Variants in MATR3 observed in about 807,000 individuals in gnomAD.
MATR3 encodes the protein matrin 3, also known as matrin-3.
Under a neutral mutation model 85.5 loss-of-function variants are expected in MATR3, and 4 were observed. The observed-to-expected ratio is 0.05, with a 90% CI of 0.02 to 0.11. The LOEUF (loss-of-function observed/expected upper bound fraction) is 0.11. Ranked by LOEUF, MATR3 falls within the 10% of genes least tolerant of loss-of-function variation. The pLI is 1.00. For missense variants in MATR3, 685 were observed against 1,016.1 expected (o/e 0.67, Z 4.43); for synonymous variants, 336 against 343.1 (o/e 0.98, Z 0.23).
In MATR3 at chr5:139,281,104, T is replaced by C. The variant is rs563099557; in HGVS notation, c.-178+1975T>C. Among the ~76,000 whole-genome samples the C allele has an allele frequency of 8.1e-4, 124 of 152,310 alleles. 1 individual carries two copies. The Middle Eastern group carries it at 0.014, about 17-fold the overall frequency. Reference sequence around the variant, plus strand: ...ACAGCTCACTGCACCCTTGACCTCCTGGGCCAAGCAAACCTCCTGCCTCAG... The same window carrying C: ...ACAGCTCACTGCACCCTTGACCTCCCGGGCCAAGCAAACCTCCTGCCTCAG... On this transcript the variant is annotated intron_variant, in intron 3 of 16. Transcript: ENST00000509990.
chr5:139,315,627 G>A, intron 3 of MATR3, 70 bp from the exon 4 acceptor site: 1 of 967,976 alleles, frequency 1.0e-6, no homozygotes, highest in Non-Finnish European at 1.7e-6. Context: ...CTCTATTTTA[G>A]AGGCCAAACA....
chr5:139,277,114 T>A (rs1464603219), intron 2 of MATR3, among the ~76,000 whole-genome samples: 2 of 152,194 alleles, frequency 1.3e-5, no homozygotes, highest in Non-Finnish European at 2.9e-5. Flanking sequence ...GGATGATAGG[T>A]GTGTGCCACC....
In MATR3 at chr5:139,330,885, G is replaced by T. The variant is rs1287411387; in HGVS notation, c.*1490G>T. ...CAGTTCTCTGCAACCTCAGCCTTTG[G>T]GCTCAAATGACCCTCCTACCTCAGT... On this transcript the variant is annotated 3_prime_UTR_variant, in exon 15 of 15. Transcript: ENST00000394805. 2.2e-6 allele frequency: 1 copy of T among 453,876 alleles called. No homozygotes were observed. Among genetic ancestry groups the T allele is most frequent in the Non-Finnish European group, 4.4e-6 (1 of 226,712 alleles). The allele number at this position is 453,876 out of a possible 1,614,324, so 28.1% of individuals were successfully genotyped here.
At chr5:139,278,781 TC>T in intron 2 of MATR3, 4 of 505,524 alleles carry the variant, frequency 7.9e-6, no homozygotes, top group Middle Eastern at 6.7e-4. Context: ...TCAGGAATCA[TC>T]CAGCGGTTGT....
At chr5:139,317,951 A>G (rs1393262343) in intron 7 of MATR3, among the ~76,000 whole-genome samples, 2 of 152,196 alleles carry the variant, frequency 1.3e-5, no homozygotes, top group African/African-American at 2.4e-5. Flanking sequence ...TTATACTACT[A>G]TAAAAGTTGT....
In MATR3 at chr5:139,318,197, G is replaced by A. The variant is rs961935613; in HGVS notation, c.1308+476G>A. ...CACCCAGGCTGGAGTGCAGTGGCGC[G>A]ATCTCAGCTCACTGCAACCTTCGCC... On this transcript the variant is annotated intron_variant, in intron 7 of 14. Coordinates refer to ENST00000394805, the MANE Select transcript of MATR3 (RefSeq NM_018834.6). Among the ~76,000 whole-genome samples the A allele has an allele frequency of 3.3e-5, 5 of 151,046 alleles. No homozygotes were observed. The East Asian group carries it at 5.9e-4, about 18-fold the overall frequency.
chr5:139,310,547 A>G (rs1754917200), intron 2 of MATR3: 1 of 152,200 alleles, frequency 6.6e-6, no homozygotes, highest in African/African-American at 2.4e-5. Context: ...GAAGTAGATA[A>G]TGAAAAATTT....
intron 1 of MATR3, among the ~76,000 whole-genome samples, chr5:139,300,468 TAAA>T (rs1387252287): frequency 2.0e-5 from 3 of 152,230 alleles, no homozygotes; most frequent in African/African-American, 7.2e-5. Flanking sequence ...ACGGTGCAGA[TAAA>T]AAGTTTATAA....
rs1477283120 is a variant in MATR3 at position 139,274,373 on chromosome 5, T to C, written c.-287+212T>C. 3 of 292,312 alleles carry C rather than the reference T, an allele frequency of 1.0e-5. No individual in the cohort carries two copies. In the East Asian group the frequency reaches 2.6e-4, roughly 25 times the overall value. 18.1% of individuals were successfully genotyped at this position (292,312 alleles called of 1,614,324 possible). A position where few individuals can be genotyped will look rare whatever the true frequency, so the allele number is the denominator to read the frequency against. On this transcript the variant is annotated intron_variant, in intron 1 of 16. Coordinates refer to ENST00000509990, the Ensembl canonical transcript of MATR3. The stretch of plus-strand genomic sequence containing the variant: ...TCCCTCTTCTCCCTAGGGAGTCCCA[T>C]AGAGCCTGACTCCGAGAGCCTCGAT...
intron 2 of MATR3, chr5:139,313,123 T>A (rs190289254): frequency 6.6e-6 from 1 of 151,722 alleles, no homozygotes; most frequent in East Asian, 2.0e-4. Flanking sequence ...GGTACCTTAC[T>A]CTAATTTAGT....
rs142576331 is a variant in MATR3, at chr5:139,298,806, A to G, written c.-178+5001A>G. On this transcript the variant is annotated intron_variant, in intron 1 of 14. Coordinates refer to ENST00000394805, the MANE Select transcript of MATR3 (RefSeq NM_018834.6). ...GTTTTGCAGTTTTGCACCAAGGGAC[A>G]CCAAGAAACAGCGTTGTTCTTGGTA... 6.5e-3 allele frequency among the ~76,000 whole-genome samples: 984 copies of G among 152,336 alleles called. 9 individuals are homozygous for G. Among genetic ancestry groups the G allele is most frequent in the African/African-American group, 0.023 (938 of 41,576 alleles).
chr5:139,274,633 A>G (rs972438737), intron 1 of MATR3, among the ~76,000 whole-genome samples: 5 of 152,218 alleles, frequency 3.3e-5, no homozygotes, highest in Non-Finnish European at 5.9e-5. Context: ...TTAGCCTTAC[A>G]TAAATTATAA....
At chr5:139,328,014 A>G (rs904094162) in intron 14 of MATR3, among the ~76,000 whole-genome samples, 17 of 151,890 alleles carry the variant, frequency 1.1e-4, no homozygotes, top group Admixed American at 1.3e-4. Flanking sequence ...GGCGTGTGCC[A>G]CTTCGCCTGG....
chr5:139,274,158 G>A (rs1300436232), exon 1 of MATR3: 5 of 426,750 alleles, frequency 1.2e-5, no homozygotes, highest in Non-Finnish European at 2.3e-5. Context: ...CCGAACACGT[G>A]CGCGTGAGTA....
chr5:139,325,893 G>A (rs1464376103), intron 13 of MATR3, among the ~76,000 whole-genome samples: 2 of 151,502 alleles, frequency 1.3e-5, no homozygotes, highest in East Asian at 1.9e-4. Flanking sequence ...CCCTTTTTTC[G>A]TAAAATTTCT....
chr5:139,328,983 C>T (rs1436285849), intron 14 of MATR3, among the ~76,000 whole-genome samples: 1 of 151,626 alleles, frequency 6.6e-6, no homozygotes, highest in African/African-American at 2.4e-5. Flanking sequence ...CCAGCCTGGG[C>T]AACAGAGCAA....
chr5:139,294,403 C>G lies in MATR3; in HGVS notation c.-178+598C>G, dbSNP rs545054845. Reference sequence around the variant, plus strand: ...TGTTTGAGCAGCGTTTCTTTCTTTTCCCGGTGTCTCGGCCTTCACGCCGCT... The same window carrying G: ...TGTTTGAGCAGCGTTTCTTTCTTTTGCCGGTGTCTCGGCCTTCACGCCGCT... On this transcript the variant is annotated intron_variant, in intron 1 of 14. Transcript: ENST00000394805. 2.7e-4 allele frequency: 48 copies of G among 180,676 alleles called. 1 individual carries two copies. In the South Asian group the frequency reaches 2.8e-3, roughly 10 times the overall value. 11.2% of individuals were successfully genotyped at this position (180,676 alleles called of 1,614,324 possible).
intron 12 of MATR3, among the ~76,000 whole-genome samples, chr5:139,323,237 TGTA>T (rs1476669435): frequency 3.3e-5 from 5 of 152,148 alleles, no homozygotes; most frequent in African/African-American, 1.2e-4. Flanking sequence ...GCTTCTGTAT[TGTA>T]GTGGTGTAGT....
chr5:139,327,975 C>T (rs1293646151), intron 14 of MATR3, among the ~76,000 whole-genome samples: 1 of 151,976 alleles, frequency 6.6e-6, no homozygotes, highest in Non-Finnish European at 1.5e-5. Context: ...AATTCTCCTG[C>T]CTCAGGCTCC....
Sources: allele counts gnomAD v4.1 joint callset (sites outside exome capture counted in the v4.1 genomes callset), GRCh38; gene constraint gnomAD v4.1.1; transcripts MANE v1.5; gene names NCBI Gene and HGNC (gene_info 2026-07-23, HGNC 2026-07-21).